R3HDM2: variants seen among roughly 807,000 people sequenced by gnomAD.
R3HDM2 encodes R3H domain-containing protein 2.
Under a neutral mutation model 124.5 loss-of-function variants are expected in R3HDM2, and 38 were observed. The ratio of observed to expected loss-of-function variants is 0.31; its 90% CI spans 0.24 to 0.40. The LOEUF is 0.40. R3HDM2 is among the 10% of genes least tolerant of loss of function. R3HDM2 has a pLI of 1.00. For missense variants in R3HDM2, 869 were observed against 1,236.9 expected (o/e 0.70, Z 4.46); for synonymous variants, 391 against 448.0 (o/e 0.87, Z 1.61).
intron 2 of R3HDM2, among the ~76,000 whole-genome samples, chr12:57,314,409 G>A (rs2054614933): frequency 6.6e-6 from 1 of 152,166 alleles, no homozygotes; most frequent in Non-Finnish European, 1.5e-5. Context: ...AACCTGGGAG[G>A]CAGAGGTTGC....
intron 2 of R3HDM2, among the ~76,000 whole-genome samples, 180 bp downstream of exon 2, chr12:57,395,569 C>G (rs1329867217): frequency 3.3e-5 from 5 of 152,020 alleles, no homozygotes; most frequent in Non-Finnish European, 1.5e-5. Context: ...TGTGAGCCAC[C>G]TCGCCTGGCA....
At chr12:57,393,413 T>C (rs1295385156) in intron 2 of R3HDM2, among the ~76,000 whole-genome samples, 1 of 152,122 alleles carries the variant, frequency 6.6e-6, no homozygotes, top group Admixed American at 6.6e-5. Flanking sequence ...TATAGTACAC[T>C]TGAACTCGTA....
At chr12:57,418,163 C>G (rs548077142) in intron 1 of R3HDM2, 1 of 985,416 alleles carries the variant, frequency 1.0e-6, no homozygotes, top group East Asian at 1.1e-4. Context: ...AGCAACACCA[C>G]CCAGTTTGCC....
chr12:57,263,397 G>A (rs2041390860), intron 19 of R3HDM2, among the ~76,000 whole-genome samples: 1 of 152,206 alleles, frequency 6.6e-6, no homozygotes, highest in Non-Finnish European at 1.5e-5. Context: ...AACAGCCAGA[G>A]AGACCAATAA....
chr12:57,255,186 G>T, intron 23 of R3HDM2, 73 bp from the exon 24 acceptor site: 1 of 1,268,556 alleles, frequency 7.9e-7, no homozygotes, highest in Non-Finnish European at 1.1e-6. Flanking sequence ...GCCCAGCAGA[G>T]AAGTGTCCAG....
chr12:57,310,339 CTTG>C lies in R3HDM2; in HGVS notation c.87_89del (p.Asn29del). On this transcript the variant is annotated inframe_deletion, in exon 3 of 24. Transcript: ENST00000402412. ...CCTTACTTGGAGTCTTAGATATAAA[CTTG>C]TTTTTGTTTACAGATTCTTCCACCA... The C allele has an allele frequency of 6.5e-7, 1 of 1,549,584 alleles. No individual in the cohort carries two copies. Among genetic ancestry groups the C allele is most frequent in the Non-Finnish European group, 8.7e-7 (1 of 1,146,046 alleles).
At chr12:57,377,808 C>G (rs559233459) in intron 2 of R3HDM2, among the ~76,000 whole-genome samples, 2 of 152,182 alleles carry the variant, frequency 1.3e-5, no homozygotes, top group Non-Finnish European at 2.9e-5. Flanking sequence ...AACCTTTCGG[C>G]CAGGGGCAGT....
intron 14 of R3HDM2, among the ~76,000 whole-genome samples, chr12:57,270,523 A>T (rs2137454320): frequency 6.6e-6 from 1 of 152,112 alleles, no homozygotes; most frequent in East Asian, 1.9e-4. Flanking sequence ...TCTGCCACCC[A>T]GGTTCAAGCA....
chr12:57,325,449 C>T (rs1187448839), intron 2 of R3HDM2, among the ~76,000 whole-genome samples: 1 of 152,182 alleles, frequency 6.6e-6, no homozygotes, highest in African/African-American at 2.4e-5. Context: ...GGCTAGCACT[C>T]CAGCAGCCAT....
chr12:57,363,594 C>A (rs1300526760), intron 2 of R3HDM2, among the ~76,000 whole-genome samples: 1 of 152,218 alleles, frequency 6.6e-6, no homozygotes. Flanking sequence ...CCCAATGCAA[C>A]AAAATAATAA....
chr12:57,257,278 C>T (rs538788431), intron 21 of R3HDM2, among the ~76,000 whole-genome samples: 2 of 152,136 alleles, frequency 1.3e-5, no homozygotes, highest in South Asian at 2.1e-4. Flanking sequence ...TATGATCTAA[C>T]GTTGGGTATT....
At chr12:57,260,286 G>GAAAAAAAAAAAAAAAAAAAAAAAAAAAA (rs2040431942) in intron 19 of R3HDM2, among the ~76,000 whole-genome samples, 2 of 26,724 alleles carry the variant, frequency 7.5e-5, no homozygotes, top group East Asian at 1.1e-3. Flanking sequence ...AAAAAAAAAA[G>GAAAAAAAAAAAAAAAAAAAAAAAAAAAA]CCTGCTGAAA....
chr12:57,365,240 G>C (rs1237536764), intron 2 of R3HDM2, among the ~76,000 whole-genome samples: 1 of 151,422 alleles, frequency 6.6e-6, no homozygotes, highest in Non-Finnish European at 1.5e-5. Flanking sequence ...CTCCAGCCTG[G>C]GTGACAGAGT....
chr12:57,383,689 G>A (rs2065248066), intron 2 of R3HDM2, among the ~76,000 whole-genome samples: 1 of 152,034 alleles, frequency 6.6e-6, no homozygotes, highest in South Asian at 2.1e-4. Context: ...GTAACAGAGC[G>A]AGACTCCGTC....
intron 2 of R3HDM2, among the ~76,000 whole-genome samples, chr12:57,384,518 A>G (rs2138428440): frequency 1.3e-5 from 2 of 152,334 alleles, no homozygotes; most frequent in South Asian, 4.1e-4. Context: ...TAACATATGT[A>G]AAGTACATAG....
chr12:57,395,718 A>G (rs2067409316), intron 2 of R3HDM2, 31 bp downstream of exon 2: 1 of 912,566 alleles, frequency 1.1e-6, no homozygotes, highest in Non-Finnish European at 1.3e-6. Flanking sequence ...TGGAACACAG[A>G]AAGTGCTCCA....
At chr12:57,335,482 G>C (rs1283864084) in intron 2 of R3HDM2, among the ~76,000 whole-genome samples, 2 of 138,350 alleles carry the variant, frequency 1.4e-5, no homozygotes, top group Non-Finnish European at 3.1e-5. Context: ...GAGCCATCAC[G>C]CCCGGCCACC....
chr12:57,403,365 G>A (rs1434798788), intron 1 of R3HDM2, among the ~76,000 whole-genome samples: 20 of 151,938 alleles, frequency 1.3e-4, no homozygotes, highest in Admixed American at 1.2e-3. Flanking sequence ...GATGGCGCAC[G>A]CCTGTAATCC....
At chr12:57,351,246 G>A (rs1014411101) in intron 2 of R3HDM2, among the ~76,000 whole-genome samples, 2 of 152,162 alleles carry the variant, frequency 1.3e-5, no homozygotes, top group African/African-American at 4.8e-5. Context: ...TAGCCTAGGC[G>A]ACAGAGCAAG....
Sources: gnomAD v4.1 joint callset for allele counts (sites outside exome capture counted in the v4.1 genomes callset) on GRCh38, gnomAD v4.1.1 for gene constraint, MANE v1.5 for transcripts, NCBI Gene and HGNC (gene_info 2026-07-23, HGNC 2026-07-21) for gene names.